Variants in TGFBR2 observed in about 807,000 individuals in gnomAD.
TGFBR2 encodes TGF-beta receptor type-2.
TGFBR2 carries 18 observed loss-of-function variants against 49.0 expected under a neutral mutation model. That is an observed-to-expected ratio of 0.37 (90% CI 0.25 to 0.54). TGFBR2 has a LOEUF of 0.54. TGFBR2 is among the 20% of genes least tolerant of loss of function. The pLI, the probability that TGFBR2 is intolerant of heterozygous loss-of-function variation, is 0.85. For synonymous variants in TGFBR2, 282 were observed against 275.9 expected (o/e 1.02, Z -0.22); for missense variants, 525 against 722.6 (o/e 0.73, Z 3.13).
At chr3:30,668,834 C>A (rs781132881) in intron 3 of TGFBR2, among the ~76,000 whole-genome samples, 2 of 151,732 alleles carry the variant, frequency 1.3e-5, no homozygotes, top group East Asian at 3.9e-4. Context: ...TCTCTGGTTA[C>A]TAGACCCAAG....
At chr3:30,650,507 T>G (rs759679636) in intron 3 of TGFBR2, 47 bp downstream of exon 3, 10 of 1,600,872 alleles carry the variant, frequency 6.2e-6, no homozygotes, top group Non-Finnish European at 8.6e-6. Context: ...TCTGTGCCAA[T>G]TTTTTGTATC....
intron 1 of TGFBR2, 98 bp downstream of exon 1, chr3:30,607,075 C>T: frequency 1.9e-6 from 2 of 1,076,890 alleles, no homozygotes; most frequent in South Asian, 1.4e-5. Flanking sequence ...GCAACCCGGC[C>T]CCCGGGCGGA....
chr3:30,683,861 T>C (rs1699576362), intron 5 of TGFBR2, among the ~76,000 whole-genome samples: 1 of 152,166 alleles, frequency 6.6e-6, no homozygotes, highest in Non-Finnish European at 1.5e-5. Flanking sequence ...CTGCCTGGGC[T>C]CTGTTACATG....
chr3:30,612,934 C>T (rs1009714115), intron 1 of TGFBR2, among the ~76,000 whole-genome samples: 4 of 152,128 alleles, frequency 2.6e-5, no homozygotes, highest in African/African-American at 9.7e-5. Flanking sequence ...GGTCTTAGCA[C>T]CCAACAAGTA....
At chr3:30,670,987 G>A (rs1320200770) in intron 3 of TGFBR2, among the ~76,000 whole-genome samples, 2 of 152,226 alleles carry the variant, frequency 1.3e-5, no homozygotes, top group African/African-American at 4.8e-5. Context: ...ACAAGTTGGA[G>A]TTTGAAAAAG....
chr3:30,664,225 C>A (rs949265028), intron 3 of TGFBR2, among the ~76,000 whole-genome samples: 2 of 151,474 alleles, frequency 1.3e-5, no homozygotes, highest in African/African-American at 2.4e-5. Context: ...CTCAAGTGAT[C>A]CTCCCACCTC....
At chr3:30,623,092 C>T in intron 1 of TGFBR2, 2 of 699,910 alleles carry the variant, frequency 2.9e-6, no homozygotes, top group South Asian at 3.3e-5. Flanking sequence ...TTTTAATAAT[C>T]TCACAGTAAT....
intron 5 of TGFBR2, among the ~76,000 whole-genome samples, chr3:30,683,825 C>CA (rs1699576014): frequency 6.6e-6 from 1 of 152,214 alleles, no homozygotes; most frequent in African/African-American, 2.4e-5. Context: ...TGTTGCCAAT[C>CA]ACCAGCTCTG....
chr3:30,692,089 G>C lies in TGFBR2; in HGVS notation c.*490G>C, dbSNP rs1699720926. On this transcript the variant is annotated 3_prime_UTR_variant, in exon 7 of 7. Transcript: ENST00000295754. ...TTAGCATTTGACAATCACACATGCA[G>C]TGGTTCTCTGACTGTAAAACAGTGA... 4.4e-6 allele frequency: 1 copy of C among 224,728 alleles called. No homozygotes were observed. Among genetic ancestry groups the C allele is most frequent in the East Asian group, 6.5e-5 (1 of 15,472 alleles). The allele number at this position is 224,728 out of a possible 1,614,324, so 13.9% of individuals were successfully genotyped here. A position where few individuals can be genotyped will look rare whatever the true frequency, so the allele number is the denominator to read the frequency against.
chr3:30,615,237 T>C (rs552226182), intron 1 of TGFBR2, among the ~76,000 whole-genome samples: 20 of 152,312 alleles, frequency 1.3e-4, no homozygotes, highest in African/African-American at 4.3e-4. Flanking sequence ...GTGGATTTAC[T>C]GTGAAGTGCT....
At position 30,648,329 on chromosome 3, in the gene TGFBR2, T is replaced by G. The variant is rs575165533; in HGVS notation, c.264-1941T>G. Among the ~76,000 whole-genome samples the G allele has an allele frequency of 2.6e-5, 4 of 152,086 alleles. No homozygotes were observed. The East Asian group carries it at 7.8e-4, about 29-fold the overall frequency. ...TCTTTCATGGCTCACAGTTCCTTCT[T>G]AGGCCTCTATAAGCGTCACAAGGAA... On this transcript the variant is annotated intron_variant, in intron 2 of 6. Transcript: ENST00000295754.
At chr3:30,682,002 T>C (rs1329959719) in intron 5 of TGFBR2, among the ~76,000 whole-genome samples, 1 of 152,204 alleles carries the variant, frequency 6.6e-6, no homozygotes, top group East Asian at 1.9e-4. Flanking sequence ...CTCAGTGTCA[T>C]ACCACCTGAC....
chr3:30,625,362 A>G (rs1024344537), intron 1 of TGFBR2, among the ~76,000 whole-genome samples: 1 of 152,336 alleles, frequency 6.6e-6, no homozygotes, highest in African/African-American at 2.4e-5. Context: ...ATTCTGATCT[A>G]AGGAACTATT....
At chr3:30,662,097 T>A (rs1371028805) in intron 3 of TGFBR2, among the ~76,000 whole-genome samples, 1 of 152,208 alleles carries the variant, frequency 6.6e-6, no homozygotes, top group Non-Finnish European at 1.5e-5. Context: ...ATTCATTTTG[T>A]TACTTTTTGC....
chr3:30,610,502 C>T (rs996575198), intron 1 of TGFBR2, among the ~76,000 whole-genome samples: 1 of 152,110 alleles, frequency 6.6e-6, no homozygotes, highest in Non-Finnish European at 1.5e-5. Flanking sequence ...CATGATGGAC[C>T]CAATGCGTTC....
intron 1 of TGFBR2, among the ~76,000 whole-genome samples, chr3:30,636,718 A>T (rs1698539658): frequency 6.7e-6 from 1 of 148,174 alleles, no homozygotes. Flanking sequence ...ATATATAAGC[A>T]TGCATGTGTG....
At chr3:30,636,321 A>G (rs1698531344) in intron 1 of TGFBR2, among the ~76,000 whole-genome samples, 1 of 152,110 alleles carries the variant, frequency 6.6e-6, no homozygotes, top group African/African-American at 2.4e-5. Flanking sequence ...ACAGGTTTTA[A>G]AAACTATATT....
In TGFBR2 at chr3:30,606,906, G is replaced by T; in HGVS notation, c.23G>T (p.Gly8Val). The change falls in exon 1 of 7, where the codon GGC becomes GTC. Residue 8 changes from glycine (G) to valine (V), a missense_variant. Gly to Val is a moderately radical substitution (Grantham distance 109, BLOSUM62 -3). Coordinates refer to ENST00000295754, the MANE Select transcript of TGFBR2 (RefSeq NM_003242.6). ...GCCATGGGTCGGGGGCTGCTCAGGG[G>T]CCTGTGGCCGCTGCACATCGTCCTG... The part of the protein sequence containing the change: MGRGLLR[G>V]LWPLHIVLWT... 5 of 1,592,430 alleles carry T rather than the reference G, an allele frequency of 3.1e-6. No individual in the cohort carries two copies. Among genetic ancestry groups the T allele is most frequent in the Non-Finnish European group, 4.3e-6 (5 of 1,168,884 alleles).
intron 1 of TGFBR2, among the ~76,000 whole-genome samples, chr3:30,618,231 GTTT>G (rs397971432): frequency 2.3e-5 from 3 of 128,748 alleles, no homozygotes; most frequent in African/African-American, 5.7e-5. Context: ...TTTCTTTCTT[GTTT>G]TTTTTTTTTT....
Sources: allele counts gnomAD v4.1 joint callset (sites outside exome capture counted in the v4.1 genomes callset), GRCh38; gene constraint gnomAD v4.1.1; transcripts MANE v1.5; gene names NCBI Gene and HGNC (gene_info 2026-07-23, HGNC 2026-07-21).